POM121C: variants seen among roughly 807,000 people sequenced by gnomAD.
The protein encoded by POM121C is nuclear envelope pore membrane protein POM 121C.
In POM121C, 20 loss-of-function variants were observed where a neutral mutation model predicts 66.4. That is an observed-to-expected ratio of 0.30 (90% CI 0.21 to 0.44). The LOEUF (loss-of-function observed/expected upper bound fraction) is 0.44. Among genes scored for constraint, POM121C ranks in the 20% least tolerant of loss-of-function variants. The pLI is 1.00. For missense variants in POM121C, 580 were observed against 1,225.7 expected (o/e 0.47, Z 7.87); for synonymous variants, 286 against 528.0 (o/e 0.54, Z 6.28).
chr7:75,461,287 A>G, intron 3 of POM121C, among the ~76,000 whole-genome samples: 1 of 152,134 alleles, frequency 6.6e-6, no homozygotes, highest in East Asian at 1.9e-4. Context: ...TCAGCAAACA[A>G]TACAATAACT....
At chr7:75,473,847 T>C (rs1344099869) in intron 3 of POM121C, among the ~76,000 whole-genome samples, 1 of 151,878 alleles carries the variant, frequency 6.6e-6, no homozygotes, top group East Asian at 1.9e-4. Flanking sequence ...CGCCACTACG[T>C]CCGGCTAATT....
chr7:75,442,715 G>A (rs1416396399), intron 3 of POM121C: 12 of 1,372,106 alleles, frequency 8.7e-6, no homozygotes, highest in African/African-American at 1.5e-5. Context: ...AGCCGCCGGA[G>A]ACATCGCGGC....
chr7:75,475,022 C>T, intron 2 of POM121C, 40 bp downstream of exon 2: 1 of 1,457,758 alleles, frequency 6.9e-7, no homozygotes, highest in Non-Finnish European at 9.6e-7. Context: ...GCATAAAACC[C>T]CATTCAACTG....
chr7:75,435,749 T>C (rs782045760), intron 7 of POM121C, among the ~76,000 whole-genome samples: 5 of 152,226 alleles, frequency 3.3e-5, no homozygotes, highest in Non-Finnish European at 5.9e-5. Flanking sequence ...ACACTGATAT[T>C]GCTATTTTGA....
intron 1 of POM121C, among the ~76,000 whole-genome samples, chr7:75,483,713 C>T (rs1792400899): frequency 6.6e-6 from 1 of 152,112 alleles, no homozygotes; most frequent in Admixed American, 6.6e-5. Context: ...ATATACTACC[C>T]ATACATACAA....
At chr7:75,435,082 C>T (rs1554472909) in intron 7 of POM121C, among the ~76,000 whole-genome samples, 2 of 152,168 alleles carry the variant, frequency 1.3e-5, no homozygotes, top group Non-Finnish European at 2.9e-5. Context: ...AGAAATTTTT[C>T]CAGAGGCAAA....
At chr7:75,442,282 C>T (rs1439214111) in intron 3 of POM121C, 22 of 1,452,564 alleles carry the variant, frequency 1.5e-5, no homozygotes, top group Non-Finnish European at 1.8e-5. Context: ...CAGGCCTATT[C>T]CGCAGGTCCT....
chr7:75,470,835 T>A (rs1791843983), intron 3 of POM121C, among the ~76,000 whole-genome samples: 1 of 152,114 alleles, frequency 6.6e-6, no homozygotes, highest in Non-Finnish European at 1.5e-5. Context: ...GGTCTCCCTA[T>A]GTTGCCCAGG....
chr7:75,458,720 T>C (rs2116472673), intron 3 of POM121C, among the ~76,000 whole-genome samples: 1 of 152,090 alleles, frequency 6.6e-6, no homozygotes. Context: ...GGAACTACAG[T>C]CTCATAACAT....
At chr7:75,432,769 AAC>A (rs1173736993) in intron 7 of POM121C, among the ~76,000 whole-genome samples, 1 of 152,238 alleles carries the variant, frequency 6.6e-6, no homozygotes, top group East Asian at 1.9e-4. Context: ...TGCTATGTAG[AAC>A]AGTCAAAAAA....
intron 3 of POM121C, among the ~76,000 whole-genome samples, chr7:75,467,567 G>T (rs1395206731): frequency 6.9e-6 from 1 of 145,210 alleles, no homozygotes; most frequent in African/African-American, 2.5e-5. Flanking sequence ...GTAATATAAA[G>T]CAGGCGGAAT....
chr7:75,432,277 A>G (rs1790214740), intron 7 of POM121C, among the ~76,000 whole-genome samples: 1 of 152,140 alleles, frequency 6.6e-6, no homozygotes, highest in Non-Finnish European at 1.5e-5. Flanking sequence ...AATTATCTAT[A>G]GCAATATTAT....
intron 3 of POM121C, among the ~76,000 whole-genome samples, chr7:75,460,447 G>A (rs1265232108): frequency 1.5e-4 from 22 of 150,308 alleles, no homozygotes; most frequent in African/African-American, 5.0e-4. Flanking sequence ...GGCTGCAGTG[G>A]GCCGTGACTG....
intron 3 of POM121C, among the ~76,000 whole-genome samples, chr7:75,454,932 TTTATACC>T (rs1176261621): frequency 6.6e-6 from 1 of 152,190 alleles, no homozygotes; most frequent in East Asian, 1.9e-4. Context: ...TTTCCTCCAT[TTTATACC>T]TTGGATTGAA....
intron 7 of POM121C, among the ~76,000 whole-genome samples, chr7:75,430,962 G>A (rs1325191605): frequency 6.6e-6 from 1 of 150,884 alleles, no homozygotes; most frequent in Non-Finnish European, 1.5e-5. Context: ...CGCAGTCCCA[G>A]CTACTCGGGA....
chr7:75,469,263 C>G (rs587671106), intron 3 of POM121C, among the ~76,000 whole-genome samples: 5 of 152,190 alleles, frequency 3.3e-5, no homozygotes, highest in Admixed American at 6.5e-5. Context: ...CCAAACCCAG[C>G]TAATTTTTTA....
intron 3 of POM121C, among the ~76,000 whole-genome samples, chr7:75,465,671 T>C (rs1791610850): frequency 6.7e-6 from 1 of 150,156 alleles, no homozygotes; most frequent in African/African-American, 2.5e-5. Context: ...GAGAGTCGCT[T>C]GTACCTGGGA....
chr7:75,436,733 T>A (rs1352197302), intron 7 of POM121C, among the ~76,000 whole-genome samples: 1 of 152,092 alleles, frequency 6.6e-6, no homozygotes, highest in Non-Finnish European at 1.5e-5. Flanking sequence ...GAAAAAGAGA[T>A]GTTATGTGAT....
chr7:75,468,839 T>A (rs1219989283), intron 3 of POM121C, among the ~76,000 whole-genome samples: 2 of 152,134 alleles, frequency 1.3e-5, no homozygotes, highest in African/African-American at 4.8e-5. Context: ...CTGGGCAACT[T>A]AGTGAGACCC....
Sources: allele counts gnomAD v4.1 joint callset (sites outside exome capture counted in the v4.1 genomes callset), GRCh38; gene constraint gnomAD v4.1.1; transcripts MANE v1.5; gene names NCBI Gene and HGNC (gene_info 2026-07-23, HGNC 2026-07-21).